The following LRMDA variants were observed in gnomAD, a reference collection of about 807,000 sequenced individuals.
LRMDA encodes the protein leucine rich melanocyte differentiation associated.
In LRMDA, 18 loss-of-function variants were observed where a neutral mutation model predicts 29.8. That is an observed-to-expected ratio of 0.60 (90% confidence interval 0.42 to 0.90). The LOEUF (loss-of-function observed/expected upper bound fraction) is 0.90. Ranked by LOEUF, LRMDA falls within the 40% of genes least tolerant of loss-of-function variation. The pLI is 0.00. For missense variants in LRMDA, 273 were observed against 273.9 expected (o/e 1.00, Z 0.02); for synonymous variants, 125 against 109.4 (o/e 1.14, Z -0.89).
intron 2 of LRMDA, among the ~76,000 whole-genome samples, chr10:75,847,751 T>G (rs555453844): frequency 5.5e-4 from 84 of 152,244 alleles, no homozygotes; most frequent in Admixed American, 9.2e-4. Flanking sequence ...ATCACATGAT[T>G]CAACATCACT....
At chr10:76,502,068 T>C (rs1232410968) in intron 6 of LRMDA, among the ~76,000 whole-genome samples, 1 of 152,058 alleles carries the variant, frequency 6.6e-6, no homozygotes, top group East Asian at 1.9e-4. Context: ...AGCTTCAATC[T>C]TCTGTATATG....
intron 5 of LRMDA, among the ~76,000 whole-genome samples, chr10:76,254,291 A>ATACTG (rs1852540431): frequency 1.0e-5 from 1 of 95,544 alleles, no homozygotes; most frequent in Admixed American, 1.3e-4. Flanking sequence ...TTACTATACT[A>ATACTG]TACTATACTA....
At chr10:75,547,003 T>G (rs963757095) in intron 2 of LRMDA, among the ~76,000 whole-genome samples, 2 of 152,166 alleles carry the variant, frequency 1.3e-5, no homozygotes, top group African/African-American at 4.8e-5. Context: ...GTTCATGTCT[T>G]TAACCACCAG....
intron 5 of LRMDA, among the ~76,000 whole-genome samples, chr10:76,218,871 A>T (rs891836453): frequency 1.3e-5 from 2 of 152,184 alleles, no homozygotes; most frequent in Non-Finnish European, 2.9e-5. Context: ...TTGGTGTTAG[A>T]CACAGTCCCA....
chr10:75,473,383 A>G (rs2132047449), intron 2 of LRMDA, among the ~76,000 whole-genome samples: 1 of 152,356 alleles, frequency 6.6e-6, no homozygotes, highest in African/African-American at 2.4e-5. Flanking sequence ...TGGGTACTCT[A>G]CAGAGATGAC....
chr10:75,707,516 C>A (rs557054535), intron 2 of LRMDA, among the ~76,000 whole-genome samples: 1 of 152,324 alleles, frequency 6.6e-6, no homozygotes, highest in South Asian at 2.1e-4. Context: ...TTAGAAAATG[C>A]AGATGAAAGC....
At chr10:76,023,830 G>A (rs1848017073) in intron 2 of LRMDA, among the ~76,000 whole-genome samples, 1 of 152,108 alleles carries the variant, frequency 6.6e-6, no homozygotes, top group Non-Finnish European at 1.5e-5. Context: ...ATTTTCTGAG[G>A]CAACTAATTT....
At chr10:75,691,205 C>G (rs542445609) in intron 2 of LRMDA, among the ~76,000 whole-genome samples, 22 of 134,896 alleles carry the variant, frequency 1.6e-4, no homozygotes, top group South Asian at 2.4e-4. Flanking sequence ...TATACACACA[C>G]ACACATATAT....
chr10:75,611,870 A>G (rs1393435236), intron 2 of LRMDA, among the ~76,000 whole-genome samples: 3 of 152,220 alleles, frequency 2.0e-5, no homozygotes, highest in Non-Finnish European at 2.9e-5. Flanking sequence ...GGTCCTGTGT[A>G]TCAGGCCTGC....
intron 6 of LRMDA, among the ~76,000 whole-genome samples, chr10:76,456,994 C>T (rs1013278848): frequency 6.6e-6 from 1 of 152,022 alleles, no homozygotes; most frequent in Non-Finnish European, 1.5e-5. Flanking sequence ...TGGTCTTAGC[C>T]GTAACTCCGA....
At chr10:75,951,580 C>T (rs926020929) in intron 2 of LRMDA, among the ~76,000 whole-genome samples, 3 of 152,202 alleles carry the variant, frequency 2.0e-5, no homozygotes, top group Non-Finnish European at 4.4e-5. Flanking sequence ...GATTTGCGAG[C>T]TGGTGCATAG....
At chr10:75,828,410 A>G (rs1175087207) in intron 2 of LRMDA, among the ~76,000 whole-genome samples, 1 of 152,184 alleles carries the variant, frequency 6.6e-6, no homozygotes, top group Non-Finnish European at 1.5e-5. Context: ...GGAGGAAAAG[A>G]AAATATTAAC....
At chr10:76,331,921 C>T (rs1325464634) in intron 6 of LRMDA, among the ~76,000 whole-genome samples, 2 of 152,252 alleles carry the variant, frequency 1.3e-5, no homozygotes, top group Middle Eastern at 3.4e-3. Context: ...TTTATTTTAT[C>T]TGCGTGGCAG....
chr10:75,722,592 A>G lies in LRMDA; in HGVS notation c.131+284098A>G, dbSNP rs866974174. 4.6e-5 allele frequency among the ~76,000 whole-genome samples: 7 copies of G among 152,164 alleles called. No individual in the cohort carries two copies. The South Asian group carries it at 1.5e-3, about 32-fold the overall frequency. ...TTCCTTCTGTTGTGTTACCCTGAGA[A>G]GCAAAAACTGGCCAACTGGAGCCAC... On this transcript the variant is annotated intron_variant, in intron 2 of 6. Coordinates refer to ENST00000611255, the MANE Select transcript of LRMDA (RefSeq NM_001305581.2).
chr10:76,362,479 G>A (rs1014702535), intron 6 of LRMDA, among the ~76,000 whole-genome samples: 1 of 152,212 alleles, frequency 6.6e-6, no homozygotes, highest in South Asian at 2.1e-4. Context: ...TACCCATTAA[G>A]GAAGAGATGG....
intron 2 of LRMDA, among the ~76,000 whole-genome samples, chr10:76,012,322 C>G (rs1023206280): frequency 3.3e-5 from 5 of 152,128 alleles, no homozygotes; most frequent in Admixed American, 6.5e-5. Context: ...CAGGGCTATA[C>G]TTTTGTTCCA....
intron 2 of LRMDA, among the ~76,000 whole-genome samples, chr10:75,515,654 A>T (rs1371866231): frequency 6.6e-6 from 1 of 152,078 alleles, no homozygotes; most frequent in Non-Finnish European, 1.5e-5. Context: ...AGCTGGGAAT[A>T]TAGGTATGAG....
intron 6 of LRMDA, among the ~76,000 whole-genome samples, chr10:76,466,393 G>T (rs2132312780): frequency 6.6e-6 from 1 of 152,224 alleles, no homozygotes; most frequent in Non-Finnish European, 1.5e-5. Context: ...CCCCTCGTAG[G>T]CAGGACCTAA....
intron 5 of LRMDA, among the ~76,000 whole-genome samples, chr10:76,299,788 G>A (rs1840458068): frequency 6.6e-6 from 1 of 152,068 alleles, no homozygotes; most frequent in Non-Finnish European, 1.5e-5. Flanking sequence ...GCTGGTTGTA[G>A]GAATGAATGA....
Sources: gnomAD v4.1 joint callset for allele counts (sites outside exome capture counted in the v4.1 genomes callset) on GRCh38, gnomAD v4.1.1 for gene constraint, MANE v1.5 for transcripts, NCBI Gene and HGNC (gene_info 2026-07-23, HGNC 2026-07-21) for gene names.